CRISPLD1: variants seen among roughly 807,000 people sequenced by gnomAD.
The protein encoded by CRISPLD1 is cysteine-rich secretory protein LCCL domain-containing 1.
A neutral mutation model predicts 77.5 loss-of-function variants in CRISPLD1; 60 were observed. That is an observed-to-expected ratio of 0.77 (90% confidence interval 0.63 to 0.96). The LOEUF (loss-of-function observed/expected upper bound fraction) is 0.96, where lower values mean the gene tolerates loss of function less well. CRISPLD1 is among the 40% of genes least tolerant of loss of function. CRISPLD1 has a pLI of 0.00. For missense variants in CRISPLD1, 623 were observed against 615.8 expected (o/e 1.01, Z -0.12); for synonymous variants, 195 against 200.1 (o/e 0.97, Z 0.22).
Position 75,000,112 on chromosome 8 carries a change from C to T in CRISPLD1, c.259-12321C>T, listed in dbSNP as rs535108777. 246 of 983,154 alleles carry T rather than the reference C, an allele frequency of 2.5e-4. No individual in the cohort carries two copies. The African/African-American group carries it at 3.4e-3, about 14-fold the overall frequency. 60.9% of individuals were successfully genotyped at this position (983,154 alleles called of 1,614,324 possible). On this transcript the variant is annotated intron_variant, in intron 2 of 14. Coordinates refer to ENST00000262207, the MANE Select transcript of CRISPLD1 (RefSeq NM_031461.6). ...TGGGAGTTACTGTTTCTGGAATGTCCCCTGTATGTCATAGCAACTCAAACA... is the reference window on the plus strand; with the variant it reads ...TGGGAGTTACTGTTTCTGGAATGTCTCCTGTATGTCATAGCAACTCAAACA...
chr8:75,033,687 A>G lies in CRISPLD1; in HGVS notation c.*1445A>G, dbSNP rs951224926. The G allele has an allele frequency of 6.6e-6, 1 of 152,032 alleles. No individual in the cohort carries two copies. The highest frequency in any genetic ancestry group is 1.5e-5 in the Non-Finnish European group (1 of 67,902). The allele number at this position is 152,032 out of a possible 1,614,324, so 9.4% of individuals were successfully genotyped here. Reference sequence around the variant, plus strand: ...CCATGCAATGATCAAGGAAAGCAAGAGAGCAGATAATACAAAAGAAAAAGA... The same window carrying G: ...CCATGCAATGATCAAGGAAAGCAAGGGAGCAGATAATACAAAAGAAAAAGA... On this transcript the variant is annotated 3_prime_UTR_variant, in exon 15 of 15. Transcript: ENST00000262207.
At chr8:75,001,679 A>G (rs888764362) in intron 2 of CRISPLD1, among the ~76,000 whole-genome samples, 2 of 152,116 alleles carry the variant, frequency 1.3e-5, no homozygotes, top group Non-Finnish European at 1.5e-5. Context: ...AGCTGATTCA[A>G]TGGGGAGGAA....
Position 74,990,819 on chromosome 8 carries a change from C to T in CRISPLD1, c.258+4574C>T, listed in dbSNP as rs976194557. ...AATTGGGCACATCGTTAACTTTTTACCATACATTTCCATATATCACACACA... is the reference window on the plus strand; with the variant it reads ...AATTGGGCACATCGTTAACTTTTTATCATACATTTCCATATATCACACACA... On this transcript the variant is annotated intron_variant, in intron 2 of 14. Transcript: ENST00000262207. Among the ~76,000 whole-genome samples, 5 of 151,454 alleles carry T rather than the reference C, an allele frequency of 3.3e-5. 1 individual carries two copies. Among genetic ancestry groups the T allele is most frequent in the Admixed American group, 2.0e-4 (3 of 15,234 alleles).
At chr8:75,010,259 T>C (rs543370985) in intron 2 of CRISPLD1, among the ~76,000 whole-genome samples, 20 of 152,138 alleles carry the variant, frequency 1.3e-4, no homozygotes, top group Non-Finnish European at 2.4e-4. Context: ...TATTCACCAA[T>C]GAAAAATTAT....
intron 5 of CRISPLD1, among the ~76,000 whole-genome samples, chr8:75,014,322 A>G (rs1409537478): frequency 6.6e-6 from 1 of 152,130 alleles, no homozygotes; most frequent in East Asian, 1.9e-4. Flanking sequence ...GAATATGGGA[A>G]CCATATTTTT....
rs1812468128 is a variant in CRISPLD1 at position 74,984,628 on chromosome 8, A to T, written c.-355A>T. The T allele has an allele frequency of 6.6e-6, 1 of 152,528 alleles. No individual in the cohort carries two copies. Among genetic ancestry groups the T allele is most frequent in the African/African-American group, 2.4e-5 (1 of 41,476 alleles). The allele number at this position is 152,528 out of a possible 1,614,324, so 9.4% of individuals were successfully genotyped here. On this transcript the variant is annotated 5_prime_UTR_variant, in exon 1 of 15. Coordinates refer to ENST00000262207, the MANE Select transcript of CRISPLD1 (RefSeq NM_031461.6). ...CCCCTCGCTCCTGCAGCTACTGCTC[A>T]GAAACGCTGGGGCGCCCACCCTGGC... is the stretch of plus-strand genomic sequence containing the variant.
intron 14 of CRISPLD1, among the ~76,000 whole-genome samples, chr8:75,030,919 CACATAT>C (rs1413930140): frequency 6.6e-6 from 1 of 151,702 alleles, no homozygotes; most frequent in Non-Finnish European, 1.5e-5. Flanking sequence ...CATATATATA[CACATAT>C]ACATATATAT....
intron 4 of CRISPLD1, among the ~76,000 whole-genome samples, 183 bp downstream of exon 4, chr8:75,013,205 AAAG>A (rs1812965920): frequency 6.6e-6 from 1 of 152,114 alleles, no homozygotes; most frequent in African/African-American, 2.4e-5. Flanking sequence ...ATCACACAAA[AAAG>A]TCCAAACATC....
chr8:74,985,944 C>A lies in CRISPLD1; in HGVS notation c.-44C>A. The A allele has an allele frequency of 6.3e-7, 1 of 1,577,846 alleles. No homozygotes were observed. The highest frequency in any genetic ancestry group is 8.6e-7 in the Non-Finnish European group (1 of 1,158,324). ...GTTATAGCCAAAAGGAGTGGAAGAG[C>A]CTGTCTTGGAGATTTTCCTGGGGAA... On this transcript the variant is annotated 5_prime_UTR_variant, in exon 2 of 15. Coordinates refer to ENST00000262207, the MANE Select transcript of CRISPLD1 (RefSeq NM_031461.6).
intron 2 of CRISPLD1, among the ~76,000 whole-genome samples, chr8:74,999,700 A>C (rs139347546): frequency 6.6e-6 from 1 of 151,968 alleles, no homozygotes; most frequent in Non-Finnish European, 1.5e-5. Flanking sequence ...CTCCTCAACT[A>C]TCACATTCGC....
chr8:75,013,004 A>G lies in CRISPLD1; in HGVS notation c.492A>G (p.Val164=). 1.2e-6 allele frequency: 2 copies of G among 1,610,750 alleles called. No individual in the cohort carries two copies. Among genetic ancestry groups the G allele is most frequent in the Non-Finnish European group, 1.7e-6 (2 of 1,177,986 alleles). ...GTCCATTCAGGTGTTCTGGCCCTGTATGTACACATTATACACAGGTATGTT... is the reference window on the plus strand; with the variant it reads ...GTCCATTCAGGTGTTCTGGCCCTGTGTGTACACATTATACACAGGTATGTT... ...PYCPFRCSGP[V]CTHYTQVVWA... Residue 164 remains valine (V), a synonymous_variant, in exon 4 of 15, where the codon GTA becomes GTG. Transcript: ENST00000262207.
intron 13 of CRISPLD1, among the ~76,000 whole-genome samples, chr8:75,027,662 A>G (rs938306860): frequency 2.6e-5 from 4 of 152,172 alleles, no homozygotes; most frequent in Non-Finnish European, 4.4e-5. Flanking sequence ...CAGAGATCCA[A>G]TCGTTAATAG....
At chr8:74,991,692 G>A (rs1372161658) in intron 2 of CRISPLD1, among the ~76,000 whole-genome samples, 1 of 152,026 alleles carries the variant, frequency 6.6e-6, no homozygotes, top group East Asian at 1.9e-4. Context: ...CACTTTGCCT[G>A]GCTAATTTTT....
chr8:74,998,960 A>C (rs1428557320), intron 2 of CRISPLD1, among the ~76,000 whole-genome samples: 1 of 152,064 alleles, frequency 6.6e-6, no homozygotes, highest in Non-Finnish European at 1.5e-5. Flanking sequence ...CAGATGTTAG[A>C]TAATATGGAT....
At chr8:74,993,061 A>G (rs1166698721) in intron 2 of CRISPLD1, among the ~76,000 whole-genome samples, 1 of 152,050 alleles carries the variant, frequency 6.6e-6, no homozygotes. Context: ...TACTCTTATA[A>G]ATTCATATTT....
intron 2 of CRISPLD1, among the ~76,000 whole-genome samples, chr8:74,990,376 G>A (rs184217347): frequency 9.2e-5 from 14 of 151,678 alleles, no homozygotes; most frequent in South Asian, 8.4e-4. Flanking sequence ...AGTGTTTGCC[G>A]TATGGGTTTT....
intron 2 of CRISPLD1, among the ~76,000 whole-genome samples, chr8:75,005,480 A>C (rs1812813059): frequency 6.6e-6 from 1 of 152,134 alleles, no homozygotes; most frequent in Non-Finnish European, 1.5e-5. Flanking sequence ...TGAACAATGC[A>C]TACTTTTGTA....
chr8:75,006,350 T>C (rs1006428525), intron 2 of CRISPLD1, among the ~76,000 whole-genome samples: 27 of 152,212 alleles, frequency 1.8e-4, no homozygotes, highest in Non-Finnish European at 2.4e-4. Flanking sequence ...TGCAAAAAGT[T>C]GTACAACAAA....
At chr8:74,998,562 C>T (rs1220224435) in intron 2 of CRISPLD1, among the ~76,000 whole-genome samples, 1 of 151,594 alleles carries the variant, frequency 6.6e-6, no homozygotes, top group Non-Finnish European at 1.5e-5. Flanking sequence ...GTGGTGCATG[C>T]CTGTAGTCTC....
Sources: gnomAD v4.1 joint callset for allele counts (sites outside exome capture counted in the v4.1 genomes callset) on GRCh38, gnomAD v4.1.1 for gene constraint, MANE v1.5 for transcripts, NCBI Gene and HGNC (gene_info 2026-07-23, HGNC 2026-07-21) for gene names.